The following PTPRD variants were observed in gnomAD, a reference collection of about 807,000 sequenced individuals.
PTPRD encodes the protein protein tyrosine phosphatase receptor type D, also known as receptor-type tyrosine-protein phosphatase delta.
A neutral mutation model predicts 214.5 loss-of-function variants in PTPRD; 34 were observed. The observed-to-expected ratio is 0.16, with a 90% CI of 0.12 to 0.21. The LOEUF is 0.21. Among genes scored for constraint, PTPRD ranks in the 10% least tolerant of loss-of-function variants. The pLI, the probability that PTPRD is intolerant of heterozygous loss-of-function variation, is 1.00. For synonymous variants in PTPRD, 1,128 were observed against 845.7 expected, an observed-to-expected ratio of 1.33 and a Z score of -5.79; for missense variants, 2,545 against 2,398.7, an observed-to-expected ratio of 1.06 and a Z score of -1.27.
At chr9:8,662,817 T>C (rs2097091208) in intron 12 of PTPRD, among the ~76,000 whole-genome samples, 2 of 152,202 alleles carry the variant, frequency 1.3e-5, no homozygotes, top group Admixed American at 1.3e-4. Context: ...TGAAAACAAC[T>C]GTTTTAAATT....
chr9:8,887,016 G>A (rs974668017), intron 11 of PTPRD, among the ~76,000 whole-genome samples: 1 of 152,174 alleles, frequency 6.6e-6, no homozygotes, highest in South Asian at 2.1e-4. Context: ...TAAAGCATAT[G>A]GCATTACTCA....
chr9:8,871,815 T>G (rs1265694977), intron 11 of PTPRD, among the ~76,000 whole-genome samples: 1 of 152,112 alleles, frequency 6.6e-6, no homozygotes, highest in African/African-American at 2.4e-5. Flanking sequence ...AATTCAAAAT[T>G]TCGTGTGACA....
rs373771799 is a variant in PTPRD, at chr9:9,373,069, G to A, written c.-203+24380C>T. On this transcript the variant is annotated intron_variant, in intron 9 of 45. Coordinates refer to ENST00000381196, the MANE Select transcript of PTPRD (RefSeq NM_002839.4). ...ATCTTTAATTGCCACTATCTCTGATGCCATGCTCAATCTGACAGTTTATGT... is the reference window on the plus strand; with the variant it reads ...ATCTTTAATTGCCACTATCTCTGATACCATGCTCAATCTGACAGTTTATGT... Among the ~76,000 whole-genome samples the A allele has an allele frequency of 2.9e-3, 440 of 152,094 alleles. 4 individuals carry two copies. Among genetic ancestry groups the A allele is most frequent in the African/African-American group, 0.01 (425 of 41,528 alleles).
intron 9 of PTPRD, among the ~76,000 whole-genome samples, chr9:9,332,436 C>G (rs915264715): frequency 6.6e-6 from 1 of 151,770 alleles, no homozygotes; most frequent in Non-Finnish European, 1.5e-5. Flanking sequence ...AATAACCACA[C>G]AATATATTTA....
At chr9:9,352,828 T>C (rs73393048) in intron 9 of PTPRD, among the ~76,000 whole-genome samples, 3,397 of 152,074 alleles carry the variant, frequency 0.022, 118 homozygotes, top group African/African-American at 0.077. Context: ...AGGAAAGGAA[T>C]TGAGAAAAAG....
At chr9:9,980,307 G>T (rs1006370440) in intron 4 of PTPRD, among the ~76,000 whole-genome samples, 1 of 151,624 alleles carries the variant, frequency 6.6e-6, no homozygotes, top group Non-Finnish European at 1.5e-5. Flanking sequence ...CATATCTGTG[G>T]TATTAAAACT....
At chr9:10,320,926 C>G (rs1484530276) in intron 3 of PTPRD, among the ~76,000 whole-genome samples, 1 of 151,848 alleles carries the variant, frequency 6.6e-6, no homozygotes, top group East Asian at 2.0e-4. Flanking sequence ...CAGGGTTTTT[C>G]CATGTTGCCG....
rs895885740 is a variant in PTPRD at position 9,735,418 on chromosome 9, CAT to C, written c.-325-849_-325-848del. On this transcript the variant is annotated intron_variant, in intron 6 of 45. Coordinates refer to ENST00000381196, the MANE Select transcript of PTPRD (RefSeq NM_002839.4). Reference sequence around the variant, plus strand: ...TTTGAAACTACACATTTGAAAAACACATGTCTTTCTTTGAAAGAGAATGGAGA... The same window carrying C: ...TTTGAAACTACACATTTGAAAAACACGTCTTTCTTTGAAAGAGAATGGAGA... Among the ~76,000 whole-genome samples the C allele has an allele frequency of 8.5e-5, 13 of 152,080 alleles. 1 individual carries two copies. Among genetic ancestry groups the C allele is most frequent in the South Asian group, 4.1e-4 (2 of 4,828 alleles).
chr9:9,613,249 T>C (rs2094637186), intron 7 of PTPRD, among the ~76,000 whole-genome samples: 1 of 149,720 alleles, frequency 6.7e-6, no homozygotes, highest in Non-Finnish European at 1.5e-5. Context: ...AATTTAAATA[T>C]TAAAACTTTT....
At chr9:8,680,392 A>G (rs982944348) in intron 12 of PTPRD, among the ~76,000 whole-genome samples, 10 of 152,158 alleles carry the variant, frequency 6.6e-5, no homozygotes, top group African/African-American at 1.7e-4. Context: ...CTCCCAGGAT[A>G]TGTTTTCTCA....
intron 9 of PTPRD, among the ~76,000 whole-genome samples, chr9:9,307,772 GA>G (rs949372102): frequency 3.3e-5 from 5 of 152,142 alleles, no homozygotes; most frequent in African/African-American, 1.2e-4. Flanking sequence ...TTAACACACA[GA>G]AAAATTTATG....
intron 11 of PTPRD, among the ~76,000 whole-genome samples, chr9:8,959,335 C>G (rs965748813): frequency 2.0e-5 from 3 of 151,934 alleles, no homozygotes; most frequent in Non-Finnish European, 4.4e-5. Flanking sequence ...CTCTGAGAAA[C>G]TGACTTTTAC....
intron 6 of PTPRD, among the ~76,000 whole-genome samples, chr9:9,765,227 A>G (rs1316388854): frequency 1.3e-5 from 2 of 152,190 alleles, no homozygotes; most frequent in Non-Finnish European, 2.9e-5. Context: ...TTATTAACAT[A>G]CGCATTTATA....
intron 3 of PTPRD, among the ~76,000 whole-genome samples, chr9:10,209,154 A>G (rs1162054745): frequency 6.6e-6 from 1 of 152,196 alleles, no homozygotes; most frequent in African/African-American, 2.4e-5. Context: ...CAATATGCCA[A>G]GAAGATAGAC....
At chr9:10,155,236 G>T (rs886306009) in intron 3 of PTPRD, among the ~76,000 whole-genome samples, 16 of 152,024 alleles carry the variant, frequency 1.1e-4, no homozygotes, top group African/African-American at 3.4e-4. Context: ...TTCCTGATTT[G>T]GTTCTCAGTT....
chr9:9,836,129 A>G (rs554046048), intron 5 of PTPRD, among the ~76,000 whole-genome samples: 1 of 152,288 alleles, frequency 6.6e-6, no homozygotes, highest in South Asian at 2.1e-4. Context: ...TGGTTTGGAC[A>G]AATGTTTAAG....
intron 10 of PTPRD, among the ~76,000 whole-genome samples, chr9:9,076,173 AT>A (rs1201843952): frequency 6.6e-6 from 1 of 151,962 alleles, no homozygotes; most frequent in Admixed American, 6.6e-5. Context: ...GATGATGAGC[AT>A]TTTTTCATGT....
chr9:9,946,207 C>A (rs988768786), intron 4 of PTPRD, among the ~76,000 whole-genome samples: 1 of 152,092 alleles, frequency 6.6e-6, no homozygotes, highest in Admixed American at 6.6e-5. Flanking sequence ...GCAGCTTAAA[C>A]ACAAGCAATT....
intron 11 of PTPRD, among the ~76,000 whole-genome samples, chr9:8,939,970 T>G (rs12551212): frequency 0.12 from 18,465 of 151,970 alleles, 1,378 homozygotes; most frequent in East Asian, 0.34. Context: ...AGTTAATCTT[T>G]TTTTAACCAG....
Sources: allele counts gnomAD v4.1 joint callset (sites outside exome capture counted in the v4.1 genomes callset), GRCh38; gene constraint gnomAD v4.1.1; transcripts MANE v1.5; gene names NCBI Gene and HGNC (gene_info 2026-07-23, HGNC 2026-07-21).